Variants in TSC22D4 observed in about 807,000 individuals in gnomAD.
TSC22D4 encodes TSC22 domain family protein 4.
Under a neutral mutation model 24.9 loss-of-function variants are expected in TSC22D4, and 5 were observed. That is an observed-to-expected ratio of 0.20 (90% CI 0.10 to 0.42). The LOEUF (loss-of-function observed/expected upper bound fraction) is 0.42, where lower values mean the gene tolerates loss of function less well. TSC22D4 is among the 10% of genes least tolerant of loss of function. The pLI, the probability that TSC22D4 is intolerant of heterozygous loss-of-function variation, is 1.00. For missense variants in TSC22D4, 469 were observed against 547.9 expected (o/e 0.86, Z 1.44); for synonymous variants, 245 against 243.2 (o/e 1.01, Z -0.07).
In TSC22D4 at chr7:100,467,007, C is replaced by A; in HGVS notation, c.1140G>T (p.Ser380=). 6.2e-7 allele frequency: 1 copy of A among 1,605,398 alleles called. No individual in the cohort carries two copies. Among genetic ancestry groups the A allele is most frequent in the Non-Finnish European group, 8.5e-7 (1 of 1,176,214 alleles). Residue 380 remains serine (S), a synonymous_variant, in exon 5 of 5, where the codon TCG becomes TCT. Coordinates refer to ENST00000300181, the MANE Select transcript of TSC22D4 (RefSeq NM_030935.5). The part of the protein sequence containing the change: ...SPEQLAQLPS[S]GVPRLGPPAP... ...CAGGGGGCCCAAGCCGTGGGACCCCCGAGGAGGGCAGCTGAGCCAGCTGCT... is the reference window on the plus strand; with the variant it reads ...CAGGGGGCCCAAGCCGTGGGACCCCAGAGGAGGGCAGCTGAGCCAGCTGCT...
At chr7:100,468,845 G>A (rs1584346922) in intron 3 of TSC22D4, among the ~76,000 whole-genome samples, 1 of 152,130 alleles carries the variant, frequency 6.6e-6, no homozygotes, top group Admixed American at 6.6e-5. Flanking sequence ...GCTGAGGCAG[G>A]AGAATCGCTT....
In TSC22D4 at chr7:100,466,962, G is replaced by T; in HGVS notation, c.1185C>A (p.Val395=). Residue 395 remains valine, a synonymous_variant, in exon 5 of 5, where the codon GTC becomes GTA. Coordinates refer to ENST00000300181, the MANE Select transcript of TSC22D4 (RefSeq NM_030935.5). ...LGPPAPNGPS[V] ...CACATTGTAAGGGAAGGGAGGCTCA[G>T]ACGGAGGGCCCATTGGGCGCAGGGG... 6.4e-7 allele frequency: 1 copy of T among 1,557,686 alleles called. No homozygotes were observed. Among genetic ancestry groups the T allele is most frequent in the Non-Finnish European group, 8.7e-7 (1 of 1,150,590 alleles).
Position 100,477,938 on chromosome 7 carries a change from T to C in TSC22D4, c.101A>G (p.Gln34Arg). ...SPGASDPPTP[Q>R]PPTGPPPRLP... ...GCGGGGCGGGGGCCCGGTTGGGGGC[T>C]GTGGGGTAGGGGGATCCGAAGCCCC... Residue 34 changes from glutamine (Q) to arginine (R), a missense_variant, in exon 2 of 5, where the codon CAG (glutamine) becomes CGG (arginine). Gln to Arg is a conservative substitution (Grantham distance 43, BLOSUM62 1). Transcript: ENST00000300181. The surrounding 1 kb of genome is among the most constrained non-coding windows in gnomAD (Gnocchi z 7.8). 6.5e-7 allele frequency: 1 copy of C among 1,544,052 alleles called. No homozygotes were observed. Among genetic ancestry groups the C allele is most frequent in the Non-Finnish European group, 8.8e-7 (1 of 1,142,670 alleles).
intron 3 of TSC22D4, among the ~76,000 whole-genome samples, chr7:100,468,230 C>A (rs1474770261): frequency 6.6e-6 from 1 of 152,132 alleles, no homozygotes; most frequent in East Asian, 1.9e-4. Flanking sequence ...CCCTTCTCAC[C>A]CTGGCACCAA....
Position 100,478,826 on chromosome 7 carries a change from G to A in TSC22D4, c.-302C>T, listed in dbSNP as rs1326149376. 2 of 152,320 alleles carry A rather than the reference G, an allele frequency of 1.3e-5. No homozygotes were observed. Among genetic ancestry groups the A allele is most frequent in the Non-Finnish European group, 2.9e-5 (2 of 68,134 alleles). The allele number at this position is 152,320 out of a possible 1,614,324, so 9.4% of individuals were successfully genotyped here. ...GCCTCGGCCACTGATCTGAGCCTGA[G>A]GGTCCCGGCGCCTAAGAGGTCGGGC... On this transcript the variant is annotated 5_prime_UTR_variant, in exon 1 of 5. Coordinates refer to ENST00000300181, the MANE Select transcript of TSC22D4 (RefSeq NM_030935.5).
At chr7:100,473,449 GT>G (rs1237436353) in intron 3 of TSC22D4, among the ~76,000 whole-genome samples, 4 of 148,102 alleles carry the variant, frequency 2.7e-5, no homozygotes, top group Non-Finnish European at 4.5e-5. Flanking sequence ...TTTTTTTGTT[GT>G]TTTTTTTTTG....
At position 100,474,725 on chromosome 7, in the gene TSC22D4, A is replaced by G. The variant is rs918690413; in HGVS notation, c.763-285T>C. ...GGGGGTGACTGACGGAGGAACCCAGAATAGACTCCAATGCCCCAGCTCCCA... is the reference window on the plus strand; with the variant it reads ...GGGGGTGACTGACGGAGGAACCCAGGATAGACTCCAATGCCCCAGCTCCCA... On this transcript the variant is annotated intron_variant, in intron 2 of 4. Coordinates refer to ENST00000300181, the MANE Select transcript of TSC22D4 (RefSeq NM_030935.5). This position sits in a 1 kb window ranked among gnomAD's most constrained non-coding sequence, Gnocchi z 4.3. 6.6e-6 allele frequency among the ~76,000 whole-genome samples: 1 copy of G among 152,182 alleles called. No homozygotes were observed. The highest frequency in any genetic ancestry group is 2.4e-5 in the African/African-American group (1 of 41,432).
intron 3 of TSC22D4, among the ~76,000 whole-genome samples, chr7:100,469,541 G>A (rs1799355953): frequency 6.6e-6 from 1 of 152,034 alleles, no homozygotes; most frequent in Admixed American, 6.6e-5. Context: ...CCCCACCTGC[G>A]CAGGCCCTTG....
rs948330258 is a variant in TSC22D4 at position 100,468,963 on chromosome 7, C to T, written c.930-1363G>A. ...AAAAAAAGCCAGGTGTGGTGGCTCACGCTTGTAATCCCAGCACTTTGGGAG... is the reference window on the plus strand; with the variant it reads ...AAAAAAAGCCAGGTGTGGTGGCTCATGCTTGTAATCCCAGCACTTTGGGAG... On this transcript the variant is annotated intron_variant, in intron 3 of 4. Coordinates refer to ENST00000300181, the MANE Select transcript of TSC22D4 (RefSeq NM_030935.5). Among the ~76,000 whole-genome samples the T allele has an allele frequency of 1.0e-4, 15 of 150,446 alleles. No homozygotes were observed. The East Asian group carries it at 1.6e-3, about 16-fold the overall frequency.
intron 3 of TSC22D4, among the ~76,000 whole-genome samples, chr7:100,468,514 A>T (rs1344380213): frequency 6.6e-6 from 1 of 151,592 alleles, no homozygotes; most frequent in Non-Finnish European, 1.5e-5. Context: ...CCACCAAAAA[A>T]CCCCACAAGG....
chr7:100,472,591 C>T (rs1017205892), intron 3 of TSC22D4, among the ~76,000 whole-genome samples: 5 of 152,168 alleles, frequency 3.3e-5, no homozygotes, highest in East Asian at 1.9e-4. Context: ...GGGCGGGAAA[C>T]GCTGAGAATA....
At chr7:100,476,124 G>T (rs1027471388) in intron 2 of TSC22D4, among the ~76,000 whole-genome samples, 1 of 151,880 alleles carries the variant, frequency 6.6e-6, no homozygotes, top group Admixed American at 6.6e-5. Flanking sequence ...GAGCAGGGAA[G>T]CTGGAGGCCA....
chr7:100,471,256 GC>G lies in TSC22D4; in HGVS notation c.929+3017del, dbSNP rs1190883393. On this transcript the variant is annotated intron_variant, in intron 3 of 4. Coordinates refer to ENST00000300181, the MANE Select transcript of TSC22D4 (RefSeq NM_030935.5). ...GAGGGGGAAGGGGGGCTGGCTCCCT[GC>G]CCTGCTTGGGAGAGCTGTACCTGAC... 7.2e-5 allele frequency among the ~76,000 whole-genome samples: 11 copies of G among 152,230 alleles called. No individual in the cohort carries two copies. The East Asian group carries it at 1.9e-3, about 27-fold the overall frequency.
Position 100,474,127 on chromosome 7 carries a change from GC to G in TSC22D4, c.929+146del. On this transcript the variant is annotated intron_variant, in intron 3 of 4. Coordinates refer to ENST00000300181, the MANE Select transcript of TSC22D4 (RefSeq NM_030935.5). The surrounding 1 kb of genome is among the most constrained non-coding windows in gnomAD (Gnocchi z 4.3). ...GGTCCGAAATCAACTGTGTGCAGTG[GC>G]TATGCCCAGGCCAGGTTTCTCTAAG... The G allele has an allele frequency of 2.0e-6, 2 of 1,010,766 alleles. No homozygotes were observed. The highest frequency in any genetic ancestry group is 4.6e-5 in the Admixed American group (2 of 43,386). The allele number at this position is 1,010,766 out of a possible 1,614,324, so 62.6% of individuals were successfully genotyped here.
At chr7:100,467,321 CAG>C (rs1799300942) in intron 4 of TSC22D4, 153 bp from the exon 5 acceptor site, 1 of 915,530 alleles carries the variant, frequency 1.1e-6, no homozygotes, top group African/African-American at 1.6e-5. Flanking sequence ...GGGACAGAGG[CAG>C]AGTCAGGGCT....
chr7:100,467,186 G>A lies in TSC22D4; in HGVS notation c.979-18C>T. On this transcript the variant is annotated intron_variant, in intron 4 of 4. Coordinates refer to ENST00000300181, the MANE Select transcript of TSC22D4 (RefSeq NM_030935.5). Reference sequence around the variant, plus strand: ...ACCAAGTCCTGGGGGCCCCGGGACAGGCACAGCGTCAACGGGGTGGGTGCC... The same window carrying A: ...ACCAAGTCCTGGGGGCCCCGGGACAAGCACAGCGTCAACGGGGTGGGTGCC... 2 of 1,613,480 alleles carry A rather than the reference G, an allele frequency of 1.2e-6. No homozygotes were observed.
In TSC22D4 at chr7:100,474,779, C is replaced by T. The variant is rs1269970166; in HGVS notation, c.763-339G>A. Reference sequence around the variant, plus strand: ...GGCCGGGACCCCTAATCAGAGGCTACGCAGCGTGTCTGCCTTCTTTTATGT... The same window carrying T: ...GGCCGGGACCCCTAATCAGAGGCTATGCAGCGTGTCTGCCTTCTTTTATGT... On this transcript the variant is annotated intron_variant, in intron 2 of 4. Transcript: ENST00000300181. This position sits in a 1 kb window ranked among gnomAD's most constrained non-coding sequence, Gnocchi z 4.3. Among the ~76,000 whole-genome samples, 3 of 152,096 alleles carry T rather than the reference C, an allele frequency of 2.0e-5. No individual in the cohort carries two copies. The East Asian group carries it at 5.8e-4, about 29-fold the overall frequency.
chr7:100,472,775 C>G (rs1362605465), intron 3 of TSC22D4, among the ~76,000 whole-genome samples: 9 of 144,116 alleles, frequency 6.2e-5, no homozygotes, highest in Non-Finnish European at 1.4e-4. Context: ...ACCTCCTTTG[C>G]CAGGTCCCTA....
chr7:100,476,734 A>C (rs373700913), intron 2 of TSC22D4, among the ~76,000 whole-genome samples: 13 of 152,222 alleles, frequency 8.5e-5, no homozygotes, highest in African/African-American at 3.1e-4. Flanking sequence ...TGTTCCCCCC[A>C]CCCAATTTCT....
Sources: allele counts gnomAD v4.1 joint callset (sites outside exome capture counted in the v4.1 genomes callset), GRCh38; gene constraint gnomAD v4.1.1; non-coding constraint Gnocchi (gnomAD v3.1); transcripts MANE v1.5; gene names NCBI Gene and HGNC (gene_info 2026-07-23, HGNC 2026-07-21).